Variants in FGF13 observed in about 807,000 individuals in gnomAD.
FGF13 encodes the protein fibroblast growth factor homologous factor 2.
FGF13 carries 2 observed loss-of-function variants against 19.5 expected under a neutral mutation model. That is an observed-to-expected ratio of 0.10 (90% CI 0.04 to 0.32). The LOEUF is 0.32. Ranked by LOEUF, FGF13 falls within the 10% of genes least tolerant of loss-of-function variation. The probability of loss-of-function intolerance (pLI) is 1.00; values close to 1 mark genes in which losing one functional copy is unlikely to be tolerated. For synonymous variants in FGF13, 72 were observed against 76.9 expected, an observed-to-expected ratio of 0.94 and a Z score of 0.33; for missense variants, 113 against 192.7, an observed-to-expected ratio of 0.59 and a Z score of 2.45.
At chrX:138,667,187 A>G (rs1488216938) in intron 3 of FGF13, among the ~76,000 whole-genome samples, 1 of 107,424 alleles carries the variant, frequency 9.3e-6, no homozygotes, top group Non-Finnish European at 1.9e-5. Flanking sequence ...ATGAAGATAT[A>G]TATGTATATT....
At chrX:138,942,918 A>T (rs148694765) in intron 1 of FGF13, among the ~76,000 whole-genome samples, 1,274 of 111,250 alleles carry the variant, frequency 0.011, 27 homozygotes, top group African/African-American at 0.04. Flanking sequence ...GCTCTAGGCC[A>T]TTTACAAGAC....
intron 3 of FGF13, among the ~76,000 whole-genome samples, chrX:138,776,091 C>T (rs897633920): frequency 1.8e-5 from 2 of 112,170 alleles, no homozygotes; most frequent in African/African-American, 6.5e-5. Flanking sequence ...GAAATAGATG[C>T]TCCAACTGCA....
chrX:138,952,109 C>T (rs752572571), intron 1 of FGF13, among the ~76,000 whole-genome samples: 46 of 111,356 alleles, frequency 4.1e-4, no homozygotes, highest in Admixed American at 3.0e-3. Context: ...AAAAAGAGCC[C>T]GCATTGCCAA....
At chrX:139,037,454 T>A (rs1344331575) in intron 1 of FGF13, among the ~76,000 whole-genome samples, 1 of 111,613 alleles carries the variant, frequency 9.0e-6, no homozygotes, top group African/African-American at 3.3e-5. Context: ...AAATTTAGTA[T>A]CTGAAAACAA....
At chrX:138,688,546 A>G (rs1237906431) in intron 3 of FGF13, among the ~76,000 whole-genome samples, 1 of 111,516 alleles carries the variant, frequency 9.0e-6, no homozygotes, top group East Asian at 2.8e-4. Flanking sequence ...TGATTTGATA[A>G]TTACACATTG....
intron 3 of FGF13, among the ~76,000 whole-genome samples, chrX:138,747,288 C>A (rs1344871951): frequency 1.8e-5 from 2 of 111,462 alleles, no homozygotes; most frequent in African/African-American, 6.5e-5. Context: ...TTATTTGAGT[C>A]AAAGTGCATC....
In FGF13 at chrX:138,625,344, C is replaced by T. The variant is rs1177131231; in HGVS notation, c.*7506G>A. Reference sequence around the variant, plus strand: ...GTTATATATCCAAAGGAAATTAAATCAGTATGCCAAACAGACATCTGCACT... The same window carrying T: ...GTTATATATCCAAAGGAAATTAAATTAGTATGCCAAACAGACATCTGCACT... On this transcript the variant is annotated 3_prime_UTR_variant, in exon 5 of 5. Transcript: ENST00000315930. 9.3e-6 allele frequency: 1 copy of T among 106,958 alleles called. No individual in the cohort carries two copies. The highest frequency in any genetic ancestry group is 3.4e-5 in the African/African-American group (1 of 29,486). The allele number at this position is 106,958 out of a possible 1,213,427, so 8.8% of individuals were successfully genotyped here. A position where few individuals can be genotyped will look rare whatever the true frequency, so the allele number is the denominator to read the frequency against.
rs1453449896 is a variant in FGF13, at chrX:138,629,605, T to C, written c.*3245A>G. 2.7e-5 allele frequency: 3 copies of C among 112,086 alleles called. No homozygotes were observed. Among genetic ancestry groups the C allele is most frequent in the Admixed American group, 9.5e-5 (1 of 10,478 alleles). 9.2% of individuals were successfully genotyped at this position (112,086 alleles called of 1,213,427 possible). On this transcript the variant is annotated 3_prime_UTR_variant, in exon 5 of 5. Transcript: ENST00000315930. ...TCATCTTCTGCCATGATGGTAAGTTTCCTGAGGCCTCCCCAGCCATGCAGA... is the reference window on the plus strand; with the variant it reads ...TCATCTTCTGCCATGATGGTAAGTTCCCTGAGGCCTCCCCAGCCATGCAGA...
intron 3 of FGF13, among the ~76,000 whole-genome samples, chrX:138,827,772 T>A (rs899489109): frequency 5.4e-5 from 6 of 111,893 alleles, no homozygotes; most frequent in Non-Finnish European, 1.1e-4. Flanking sequence ...CAGAGCTAAA[T>A]CATCATAATC....
chrX:138,708,924 A>T lies in FGF13; in HGVS notation c.192T>A (p.Pro64=). 2.6e-6 allele frequency: 3 copies of T among 1,146,241 alleles called. No homozygotes were observed. The highest frequency in any genetic ancestry group is 3.6e-6 in the Non-Finnish European group (3 of 840,331). 94.5% of individuals were successfully genotyped at this position (1,146,241 alleles called of 1,213,427 possible). A position where few individuals can be genotyped will look rare whatever the true frequency, so the allele number is the denominator to read the frequency against. ...SKKRRRRRPE[P]QLKGIVTKLY... is the part of the protein sequence containing the mutation. Reference sequence around the variant, plus strand: ...GCTTGGTAACTATACCCTTAAGCTGAGGCTCTGCAAAGAGAACAATGATTT... The same window carrying T: ...GCTTGGTAACTATACCCTTAAGCTGTGGCTCTGCAAAGAGAACAATGATTT... Residue 64 remains proline (P), a synonymous_variant, in exon 2 of 5, where the codon CCT becomes CCA. Transcript: ENST00000315930.
intron 1 of FGF13, among the ~76,000 whole-genome samples, chrX:139,096,650 G>A (rs1412195924): frequency 9.0e-6 from 1 of 111,708 alleles, no homozygotes; most frequent in Non-Finnish European, 1.9e-5. Flanking sequence ...GAAATAAAAG[G>A]AGTAATACAA....
intron 1 of FGF13, among the ~76,000 whole-genome samples, chrX:139,160,050 C>A (rs1415808681): frequency 1.1e-4 from 12 of 111,850 alleles, no homozygotes; most frequent in Non-Finnish European, 3.8e-5. Flanking sequence ...CTTCTTAGCA[C>A]CACATCACAC....
At chrX:138,682,384 A>T (rs1287664479) in intron 3 of FGF13, among the ~76,000 whole-genome samples, 1 of 112,810 alleles carries the variant, frequency 8.9e-6, no homozygotes, top group Non-Finnish European at 1.9e-5. Flanking sequence ...AAAACAGAAA[A>T]CAAAAAGTGC....
intron 3 of FGF13, among the ~76,000 whole-genome samples, chrX:138,789,221 T>G (rs994636169): frequency 1.8e-5 from 2 of 110,549 alleles, no homozygotes; most frequent in Non-Finnish European, 3.8e-5. Context: ...CAGGCTGGAG[T>G]GCAATGGCGT....
intron 1 of FGF13, among the ~76,000 whole-genome samples, chrX:139,072,610 A>C (rs778986098): frequency 2.7e-4 from 30 of 111,866 alleles, no homozygotes; most frequent in Non-Finnish European, 4.9e-4. Context: ...TCTAACTTAC[A>C]ATCTTCTAAT....
At chrX:138,931,477 T>C (rs1256886666) in intron 1 of FGF13, among the ~76,000 whole-genome samples, 1 of 111,734 alleles carries the variant, frequency 8.9e-6, no homozygotes, top group Non-Finnish European at 1.9e-5. Context: ...CAGAATCCTT[T>C]TGTCAAGAAT....
chrX:138,691,890 C>T (rs909257793), intron 3 of FGF13, among the ~76,000 whole-genome samples: 3 of 111,757 alleles, frequency 2.7e-5, no homozygotes, highest in Admixed American at 9.5e-5. Flanking sequence ...TTCAGCTGGA[C>T]AAAACATATT....
intron 1 of FGF13, among the ~76,000 whole-genome samples, chrX:139,197,304 T>C (rs1161629503): frequency 1.8e-5 from 2 of 112,861 alleles, no homozygotes; most frequent in African/African-American, 6.4e-5. Context: ...TAAGAGCTAC[T>C]GTACTTCATT....
intron 1 of FGF13, among the ~76,000 whole-genome samples, chrX:138,735,651 T>G (rs1165964215): frequency 8.9e-6 from 1 of 111,943 alleles, no homozygotes; most frequent in Non-Finnish European, 1.9e-5. Context: ...ACCAATAAGC[T>G]CTTCAGAAAC....
Sources: allele counts gnomAD v4.1 joint callset (sites outside exome capture counted in the v4.1 genomes callset), GRCh38; gene constraint gnomAD v4.1.1; transcripts MANE v1.5; gene names NCBI Gene and HGNC (gene_info 2026-07-23, HGNC 2026-07-21).